DECR1: variants seen among roughly 807,000 people sequenced by gnomAD.
The protein encoded by DECR1 is 2,4-dienoyl-CoA reductase 1.
DECR1 carries 44 observed loss-of-function variants against 38.8 expected under a neutral mutation model. That is an observed-to-expected ratio of 1.13 (90% CI 0.89 to 1.46). The LOEUF (loss-of-function observed/expected upper bound fraction) is 1.46, where lower values mean the gene tolerates loss of function less well. Ranked by LOEUF, DECR1 falls within the 40% of genes most tolerant of loss-of-function variation. The pLI, the probability that DECR1 is intolerant of heterozygous loss-of-function variation, is 0.00. For missense variants in DECR1, 428 were observed against 405.5 expected (o/e 1.06, Z -0.48); for synonymous variants, 148 against 135.2 (o/e 1.09, Z -0.66).
chr8:90,026,002 C>T (rs1813325537), intron 5 of DECR1, among the ~76,000 whole-genome samples: 1 of 152,092 alleles, frequency 6.6e-6, no homozygotes, highest in Admixed American at 6.5e-5. Flanking sequence ...GTCTTTTGTT[C>T]TGTTTGTATG....
chr8:90,024,757 C>A (rs1813283880), intron 5 of DECR1, among the ~76,000 whole-genome samples: 1 of 152,116 alleles, frequency 6.6e-6, no homozygotes, highest in Non-Finnish European at 1.5e-5. Flanking sequence ...GCTTTTGTGG[C>A]CATTGCTTTT....
chr8:90,004,422 A>G (rs1238421429), intron 1 of DECR1, among the ~76,000 whole-genome samples: 2 of 152,206 alleles, frequency 1.3e-5, no homozygotes, highest in African/African-American at 2.4e-5. Flanking sequence ...TTCCTGGCCA[A>G]TATTCAGCAA....
rs2130006012 is a variant in DECR1 at position 90,008,367 on chromosome 8, T to C, written c.69+6806T>C. On this transcript the variant is annotated intron_variant, in intron 1 of 9. Transcript: ENST00000220764. ...TGTGGAATATGTTGTCTTCTCTTAA[T>C]TTCTACTGCCCTCGGTATCTCTCAT... Among the ~76,000 whole-genome samples the C allele has an allele frequency of 3.3e-5, 5 of 152,388 alleles. 1 individual carries two copies. The Middle Eastern group carries it at 0.017, about 518-fold the overall frequency.
At chr8:90,026,694 T>A (rs1227650155) in intron 5 of DECR1, among the ~76,000 whole-genome samples, 1 of 152,212 alleles carries the variant, frequency 6.6e-6, no homozygotes, top group Non-Finnish European at 1.5e-5. Flanking sequence ...TGTTGATTTT[T>A]TGAAGGGTTT....
chr8:90,044,418 C>T (rs7015234), intron 7 of DECR1, among the ~76,000 whole-genome samples: 1 of 152,220 alleles, frequency 6.6e-6, no homozygotes, highest in Non-Finnish European at 1.5e-5. Context: ...GAATTTCTAC[C>T]TACTTGTTTT....
At chr8:90,047,889 A>G (rs1199576391) in intron 8 of DECR1, among the ~76,000 whole-genome samples, 1 of 152,188 alleles carries the variant, frequency 6.6e-6, no homozygotes, top group Non-Finnish European at 1.5e-5. Context: ...CTCACTCAAA[A>G]CCGCTCAACT....
At chr8:90,039,565 G>C (rs1813698621) in intron 6 of DECR1, among the ~76,000 whole-genome samples, 1 of 152,086 alleles carries the variant, frequency 6.6e-6, no homozygotes, top group Non-Finnish European at 1.5e-5. Context: ...GATTTGGGTG[G>C]GGACACAGAG....
rs533279507 is a variant in DECR1, at chr8:90,001,867, G to C, written c.69+306G>C. 3.3e-5 allele frequency among the ~76,000 whole-genome samples: 5 copies of C among 151,846 alleles called. No individual in the cohort carries two copies. The South Asian group carries it at 1.0e-3, about 32-fold the overall frequency. On this transcript the variant is annotated intron_variant, in intron 1 of 9. Coordinates refer to ENST00000220764, the MANE Select transcript of DECR1 (RefSeq NM_001359.2). The stretch of plus-strand genomic sequence containing the variant: ...AACCCGGGGAGCGAGAGAGAGGACA[G>C]GACGTCTCGGGGCGCAAGAGAAAGG...
intron 5 of DECR1, among the ~76,000 whole-genome samples, chr8:90,025,504 C>G (rs1433001458): frequency 1.3e-5 from 2 of 152,126 alleles, no homozygotes; most frequent in Non-Finnish European, 2.9e-5. Flanking sequence ...GGAGTTCACT[C>G]ATGATTTGGC....
At chr8:90,034,531 A>G (rs963534056) in intron 5 of DECR1, among the ~76,000 whole-genome samples, 49 of 152,062 alleles carry the variant, frequency 3.2e-4, no homozygotes, top group African/African-American at 1.1e-3. Flanking sequence ...GGCTCACTGC[A>G]TCCTCTGCCT....
Position 90,001,598 on chromosome 8 carries a change from C to G in DECR1, c.69+37C>G, listed in dbSNP as rs975961510. The G allele has an allele frequency of 2.5e-6, 4 of 1,573,860 alleles. No individual in the cohort carries two copies. In the African/African-American group the frequency reaches 4.1e-5, roughly 16 times the overall value. ...GGGGGCGCGGGGAGCGAGGACAGGG[C>G]GTCTCGACGCGCAAAGAGAGAGGAC... On this transcript the variant is annotated intron_variant, in intron 1 of 9. Coordinates refer to ENST00000220764, the MANE Select transcript of DECR1 (RefSeq NM_001359.2).
intron 5 of DECR1, 100 bp downstream of exon 5, chr8:90,021,156 C>T (rs758630630): frequency 4.8e-6 from 4 of 831,162 alleles, no homozygotes; most frequent in Admixed American, 3.6e-5. Context: ...ACAGTCTACA[C>T]TTGTACAACT....
chr8:90,006,066 G>A, intron 1 of DECR1: 1 of 629,078 alleles, frequency 1.6e-6, no homozygotes, highest in Non-Finnish European at 2.9e-6. Flanking sequence ...ATTCATGATG[G>A]ATCTGCCACC....
chr8:90,002,100 GA>G (rs1377731799), intron 1 of DECR1, among the ~76,000 whole-genome samples: 1 of 152,104 alleles, frequency 6.6e-6, no homozygotes, highest in Non-Finnish European at 1.5e-5. Flanking sequence ...CGTGATTTTC[GA>G]AGTTTTCACA....
Position 90,001,631 on chromosome 8 carries a change from C to T in DECR1, c.69+70C>T, listed in dbSNP as rs1812614184. 4 of 1,417,218 alleles carry T rather than the reference C, an allele frequency of 2.8e-6. No homozygotes were observed. The South Asian group carries it at 3.6e-5, about 13-fold the overall frequency. 87.8% of individuals were successfully genotyped at this position (1,417,218 alleles called of 1,614,324 possible). On this transcript the variant is annotated intron_variant, in intron 1 of 9. Coordinates refer to ENST00000220764, the MANE Select transcript of DECR1 (RefSeq NM_001359.2). Reference sequence around the variant, plus strand: ...CGCGCAAAGAGAGAGGACAGGGCGTCACGGGGGCTCGGGGAGCGAGGACAA... The same window carrying T: ...CGCGCAAAGAGAGAGGACAGGGCGTTACGGGGGCTCGGGGAGCGAGGACAA...
chr8:90,052,092 T>TAAAA lies in DECR1; in HGVS notation c.*205_*208dup. ...AATGAAATATAGTCCTTCAAAACAT[T>TAAAA]AAAAAAAAAAAAAGGAGGCATGGGG... On this transcript the variant is annotated 3_prime_UTR_variant, in exon 10 of 10. Transcript: ENST00000220764. The TAAAA allele has an allele frequency of 2.4e-6, 1 of 408,288 alleles. No homozygotes were observed. Among genetic ancestry groups the TAAAA allele is most frequent in the African/African-American group, 2.2e-5 (1 of 45,166 alleles). The allele number at this position is 408,288 out of a possible 1,614,324, so 25.3% of individuals were successfully genotyped here.
At position 90,044,985 on chromosome 8, in the gene DECR1, T is replaced by C. The variant is rs762073849; in HGVS notation, c.875T>C (p.Ile292Thr). 1 of 1,613,952 alleles carries C rather than the reference T, an allele frequency of 6.2e-7. No homozygotes were observed. The highest frequency in any genetic ancestry group is 1.1e-5 in the South Asian group (1 of 91,042). The change falls in exon 8 of 10, where the codon ATT becomes ACT. Residue 292 changes from isoleucine to threonine, a missense_variant. Coordinates refer to ENST00000220764, the MANE Select transcript of DECR1 (RefSeq NM_001359.2). ...CTTTGTAGTGATTATGCTTCTTGGA[T>C]TAATGGAGCAGTAAGCGTTGTTTAT... is the stretch of plus-strand genomic sequence containing the variant. ...AFLCSDYASW[I>T]NGAVIKFDGG...
intron 7 of DECR1, 102 bp downstream of exon 7, chr8:90,042,902 A>G: frequency 1.0e-6 from 1 of 968,618 alleles, no homozygotes; most frequent in Non-Finnish European, 1.7e-6. Flanking sequence ...AGAGATGCCT[A>G]GGTTTAGAGC....
At chr8:90,047,559 A>T (rs1345657622) in intron 8 of DECR1, among the ~76,000 whole-genome samples, 1 of 152,192 alleles carries the variant, frequency 6.6e-6, no homozygotes, top group Non-Finnish European at 1.5e-5. Context: ...CTACAAAGAG[A>T]CTTAGACTCC....
Sources: gnomAD v4.1 joint callset for allele counts (sites outside exome capture counted in the v4.1 genomes callset) on GRCh38, gnomAD v4.1.1 for gene constraint, MANE v1.5 for transcripts, NCBI Gene and HGNC (gene_info 2026-07-23, HGNC 2026-07-21) for gene names.